PKDCC: variants seen among roughly 807,000 people sequenced by gnomAD.
PKDCC encodes the protein protein kinase domain containing, cytoplasmic.
Under a neutral mutation model 44.7 loss-of-function variants are expected in PKDCC, and 35 were observed. The observed-to-expected ratio is 0.78, with a 90% CI of 0.60 to 1.04. The LOEUF is 1.04. Among genes scored for constraint, PKDCC ranks in the 50% least tolerant of loss-of-function variants. The pLI is 0.00. For missense variants in PKDCC, 738 were observed against 672.7 expected, an observed-to-expected ratio of 1.10 and a Z score of -1.07; for synonymous variants, 353 against 303.3, an observed-to-expected ratio of 1.16 and a Z score of -1.70.
Position 42,054,970 on chromosome 2 carries a change from G to A in PKDCC, c.1064G>A (p.Ser355Asn). 6.2e-7 allele frequency: 1 copy of A among 1,614,076 alleles called. No individual in the cohort carries two copies. The highest frequency in any genetic ancestry group is 8.5e-7 in the Non-Finnish European group (1 of 1,179,984). Residue 355 changes from serine (S) to asparagine (N), a missense_variant, in exon 4 of 7, where the codon AGT becomes AAT. Physicochemically the swap from Ser to Asn is conservative, Grantham distance 46 (BLOSUM62 1). Coordinates refer to ENST00000294964, the MANE Select transcript of PKDCC (RefSeq NM_138370.3). This position sits in a 1 kb window ranked among gnomAD's most constrained non-coding sequence, Gnocchi z 6.1. ...RFFFTYLLPH[S>N]APPSLRPLLD... ...TTCTTCACATACCTCCTGCCTCACAGTGCCCCGCCTTCACTGCGTCCTCTG... is the reference window on the plus strand; with the variant it reads ...TTCTTCACATACCTCCTGCCTCACAATGCCCCGCCTTCACTGCGTCCTCTG...
Position 42,053,301 on chromosome 2 carries a change from G to T in PKDCC, c.702G>T (p.Glu234Asp), listed in dbSNP as rs1209116753. 1 of 1,613,748 alleles carries T rather than the reference G, an allele frequency of 6.2e-7. No homozygotes were observed. The highest frequency in any genetic ancestry group is 8.5e-7 in the Non-Finnish European group (1 of 1,179,864). Reference sequence around the variant, plus strand: ...CAGACACCCTGACCACCATCACGGAGCTGGGCGCCCCTGTAGAAATGATCC... The same window carrying T: ...CAGACACCCTGACCACCATCACGGATCTGGGCGCCCCTGTAGAAATGATCC... ...DIPDTLTTIT[E>D]LGAPVEMIQL... Residue 234 changes from glutamate (E) to aspartate (D), a missense_variant, in exon 2 of 7, where the codon GAG becomes GAT. By Grantham distance (45) the Glu-to-Asp change is conservative (BLOSUM62 2). Transcript: ENST00000294964.
intron 1 of PKDCC, among the ~76,000 whole-genome samples, chr2:42,049,095 C>A (rs1363940029): frequency 1.3e-5 from 2 of 152,090 alleles, no homozygotes; most frequent in African/African-American, 4.8e-5. Context: ...CAGAGGCTCC[C>A]AAAACTCAGG....
chr2:42,048,510 G>C lies in PKDCC; in HGVS notation c.311G>C (p.Trp104Ser). ...GPGLPRPRPP[W>S]ARPLSDGAPG... is the part of the protein sequence containing the mutation. ...GGCCTGCCGCGCCCCCGGCCCCCTTGGGCCCGGCCCCTGTCCGACGGCGCC... is the reference window on the plus strand; with the variant it reads ...GGCCTGCCGCGCCCCCGGCCCCCTTCGGCCCGGCCCCTGTCCGACGGCGCC... Residue 104 changes from tryptophan to serine, a missense_variant, in exon 1 of 7, where the codon TGG becomes TCG. By Grantham distance (177) the Trp-to-Ser change is radical (BLOSUM62 -3). Transcript: ENST00000294964. The surrounding 1 kb of genome is among the most constrained non-coding windows in gnomAD (Gnocchi z 6.2). 1 of 1,129,242 alleles carries C rather than the reference G, an allele frequency of 8.9e-7. No individual in the cohort carries two copies. The highest frequency in any genetic ancestry group is 1.1e-6 in the Non-Finnish European group (1 of 926,304). The allele number at this position is 1,129,242 out of a possible 1,614,324, so 70.0% of individuals were successfully genotyped here. A position where few individuals can be genotyped will look rare whatever the true frequency, so the allele number is the denominator to read the frequency against.
In PKDCC at chr2:42,058,193, T is replaced by TC. The variant is rs1668090277; in HGVS notation, c.*505_*506insC. Reference sequence around the variant, plus strand: ...ATGCTCCAGGATGTGGGTGATTCTGTACCTGGGGAGGCTATCTCTGACCTC... The same window carrying TC: ...ATGCTCCAGGATGTGGGTGATTCTGTCACCTGGGGAGGCTATCTCTGACCTC... On this transcript the variant is annotated 3_prime_UTR_variant, in exon 7 of 7. Transcript: ENST00000294964. The surrounding 1 kb of genome is among the most constrained non-coding windows in gnomAD (Gnocchi z 4.2). The TC allele has an allele frequency of 6.4e-6, 1 of 156,582 alleles. No homozygotes were observed. The highest frequency in any genetic ancestry group is 1.4e-5 in the Non-Finnish European group (1 of 70,714). 9.7% of individuals were successfully genotyped at this position (156,582 alleles called of 1,614,324 possible).
chr2:42,053,155 A>G, intron 1 of PKDCC, 84 bp from the exon 2 acceptor site: 4 of 1,415,150 alleles, frequency 2.8e-6, no homozygotes, highest in Non-Finnish European at 3.8e-6. Context: ...GTGGGAGGAG[A>G]GAGAGGGGGA....
rs1667992348 is a variant in PKDCC at position 42,052,888 on chromosome 2, A to G, written c.640-351A>G. On this transcript the variant is annotated intron_variant, in intron 1 of 6. Transcript: ENST00000294964. The surrounding 1 kb of genome is among the most constrained non-coding windows in gnomAD (Gnocchi z 4.3). ...CTCTCTGAGTCAGCCTCCTCACCTG[A>G]AGTTGGAGATAATAATAGCACCTAC... Among the ~76,000 whole-genome samples, 1 of 152,154 alleles carries G rather than the reference A, an allele frequency of 6.6e-6. No homozygotes were observed. The highest frequency in any genetic ancestry group is 2.1e-4 in the South Asian group (1 of 4,836).
Position 42,051,374 on chromosome 2 carries a change from T to G in PKDCC, c.640-1865T>G, listed in dbSNP as rs1451124342. 2.4e-5 allele frequency among the ~76,000 whole-genome samples: 2 copies of G among 83,294 alleles called. No individual in the cohort carries two copies. The highest frequency in any genetic ancestry group is 5.1e-5 in the Non-Finnish European group (2 of 39,092). The allele number at this position is 83,294 out of a possible 152,430, so 54.6% of individuals were successfully genotyped here. On this transcript the variant is annotated intron_variant, in intron 1 of 6. Coordinates refer to ENST00000294964, the MANE Select transcript of PKDCC (RefSeq NM_138370.3). This position sits in a 1 kb window ranked among gnomAD's most constrained non-coding sequence, Gnocchi z 4.2. The stretch of plus-strand genomic sequence containing the variant: ...CCAGTCATCCTGGGGCCCCCAGGCC[T>G]TGGATGGGCCCCCAGGCCTGCCTGG...
rs1667971252 is a variant in PKDCC at position 42,051,728 on chromosome 2, G to A, written c.640-1511G>A. ...GGGGTGGAGAGAGAAGAGGGTGCCT[G>A]GAGCTGCCCTGGCCCCCCAAGTCAC... On this transcript the variant is annotated intron_variant, in intron 1 of 6. Transcript: ENST00000294964. This position sits in a 1 kb window ranked among gnomAD's most constrained non-coding sequence, Gnocchi z 4.2. Among the ~76,000 whole-genome samples the A allele has an allele frequency of 6.6e-6, 1 of 152,070 alleles. No homozygotes were observed. Among genetic ancestry groups the A allele is most frequent in the Non-Finnish European group, 1.5e-5 (1 of 68,006 alleles).
At position 42,055,014 on chromosome 2, in the gene PKDCC, G is replaced by T; in HGVS notation, c.1108G>T (p.Ala370Ser). The T allele has an allele frequency of 6.2e-7, 1 of 1,613,650 alleles. No individual in the cohort carries two copies. Residue 370 changes from alanine (A) to serine (S), a missense_variant, in exon 4 of 7, where the codon GCC becomes TCC. By Grantham distance (99) the Ala-to-Ser change is moderately conservative. Coordinates refer to ENST00000294964, the MANE Select transcript of PKDCC (RefSeq NM_138370.3). The surrounding 1 kb of genome is among the most constrained non-coding windows in gnomAD (Gnocchi z 4.5). ...LRPLLDSIVNATGELAWGVDE... is the reference protein window; with the variant it reads ...LRPLLDSIVNSTGELAWGVDE... ...TCCTCTGCTGGACAGCATCGTCAAC[G>T]CCACAGGTGAGCTCTCCAGGGCCCA...
chr2:42,048,055 G>GGCCGGGGTCGGGGCC lies in PKDCC; in HGVS notation c.-137_-123dup, dbSNP rs1321357063. The GGCCGGGGTCGGGGCC allele has an allele frequency of 3.8e-5, 11 of 292,312 alleles. No homozygotes were observed. The highest frequency in any genetic ancestry group is 2.3e-4 in the African/African-American group (10 of 43,198). The allele number at this position is 292,312 out of a possible 1,614,324, so 18.1% of individuals were successfully genotyped here. ...TCAGGCCGATGTGTCGCCCGCGAGG[G>GGCCGGGGTCGGGGCC]GCCGGGGTCGGGGCCGCCGGGGCCA... On this transcript the variant is annotated 5_prime_UTR_variant, in exon 1 of 7. Coordinates refer to ENST00000294964, the MANE Select transcript of PKDCC (RefSeq NM_138370.3). This position sits in a 1 kb window ranked among gnomAD's most constrained non-coding sequence, Gnocchi z 6.2.
Position 42,048,915 on chromosome 2 carries a change from C to T in PKDCC, c.639+77C>T. ...CCTTGTCAACCTGGCTGGAAGAGAA[C>T]CCCTTGATCTGGAGTGCCAGTGACT... is the stretch of plus-strand genomic sequence containing the variant. On this transcript the variant is annotated intron_variant, in intron 1 of 6. Coordinates refer to ENST00000294964, the MANE Select transcript of PKDCC (RefSeq NM_138370.3). This position sits in a 1 kb window ranked among gnomAD's most constrained non-coding sequence, Gnocchi z 6.2. 1.5e-6 allele frequency: 2 copies of T among 1,356,048 alleles called. No individual in the cohort carries two copies. Among genetic ancestry groups the T allele is most frequent in the South Asian group, 1.9e-5 (1 of 51,390 alleles). The allele number at this position is 1,356,048 out of a possible 1,614,324, so 84.0% of individuals were successfully genotyped here.
In PKDCC at chr2:42,055,933, G is replaced by A. The variant is rs534276179; in HGVS notation, c.1222+540G>A. On this transcript the variant is annotated intron_variant, in intron 5 of 6. Transcript: ENST00000294964. This position sits in a 1 kb window ranked among gnomAD's most constrained non-coding sequence, Gnocchi z 4.5. ...GCCAAGAAGCCCCAGGGCAGGGGGA[G>A]AATTCTGGCCACTGGTTTCAGGCTG... is the stretch of plus-strand genomic sequence containing the variant. 6.6e-6 allele frequency among the ~76,000 whole-genome samples: 1 copy of A among 152,186 alleles called. No individual in the cohort carries two copies. The highest frequency in any genetic ancestry group is 1.5e-5 in the Non-Finnish European group (1 of 68,034).
rs986212220 is a variant in PKDCC at position 42,054,857 on chromosome 2, T to G, written c.1035-84T>G. 1.5e-6 allele frequency: 2 copies of G among 1,297,720 alleles called. No individual in the cohort carries two copies. The highest frequency in any genetic ancestry group is 3.4e-5 in the Admixed American group (2 of 59,384). The allele number at this position is 1,297,720 out of a possible 1,614,324, so 80.4% of individuals were successfully genotyped here. On this transcript the variant is annotated intron_variant, in intron 3 of 6. Transcript: ENST00000294964. The surrounding 1 kb of genome is among the most constrained non-coding windows in gnomAD (Gnocchi z 6.1). Reference sequence around the variant, plus strand: ...GAGGGATCCGGCTCCCTGGCCAGGTTAGCGTTCTGCCCCAGGTTGGAATAG... The same window carrying G: ...GAGGGATCCGGCTCCCTGGCCAGGTGAGCGTTCTGCCCCAGGTTGGAATAG...
In PKDCC at chr2:42,057,360, G is replaced by A. The variant is rs1668074695; in HGVS notation, c.1362G>A (p.Arg454=). ...TCTGTGAGAGCCATGCCCAGTGTCGGGCCTTTGTGGTCACCAACCAGACCA... is the reference window on the plus strand; with the variant it reads ...TCTGTGAGAGCCATGCCCAGTGTCGAGCCTTTGTGGTCACCAACCAGACCA... ...VDVCESHAQC[R]AFVVTNQTTW... Residue 454 remains arginine, a synonymous_variant, in exon 6 of 7, where the codon CGG becomes CGA. Coordinates refer to ENST00000294964, the MANE Select transcript of PKDCC (RefSeq NM_138370.3). The A allele has an allele frequency of 1.2e-6, 2 of 1,614,172 alleles. No individual in the cohort carries two copies. The highest frequency in any genetic ancestry group is 1.7e-6 in the Non-Finnish European group (2 of 1,180,038).
chr2:42,052,557 T>A lies in PKDCC; in HGVS notation c.640-682T>A, dbSNP rs1667986057. On this transcript the variant is annotated intron_variant, in intron 1 of 6. Transcript: ENST00000294964. This position sits in a 1 kb window ranked among gnomAD's most constrained non-coding sequence, Gnocchi z 4.3. Reference sequence around the variant, plus strand: ...TGAGGTCGGCAGTTTGAGACCAGCCTGGCCAACATGGTGAAACCCTGTTTC... The same window carrying A: ...TGAGGTCGGCAGTTTGAGACCAGCCAGGCCAACATGGTGAAACCCTGTTTC... 6.6e-6 allele frequency among the ~76,000 whole-genome samples: 1 copy of A among 152,100 alleles called. No individual in the cohort carries two copies.
rs1205742992 is a variant in PKDCC at position 42,048,203 on chromosome 2, C to A, written c.4C>A (p.Arg2=). Residue 2 remains arginine (R), a synonymous_variant, in exon 1 of 7, where the codon CGG becomes AGG. Transcript: ENST00000294964. This position sits in a 1 kb window ranked among gnomAD's most constrained non-coding sequence, Gnocchi z 6.2. ...GCCGGCCGGGGGGAGGGGAGCGATG[C>A]GGCGCCGGCGGGCGGCAGTGGCCGC... M[R]RRRAAVAAGF... 8.5e-7 allele frequency: 1 copy of A among 1,172,712 alleles called. No homozygotes were observed. Among genetic ancestry groups the A allele is most frequent in the Non-Finnish European group, 1.1e-6 (1 of 944,940 alleles). 72.6% of individuals were successfully genotyped at this position (1,172,712 alleles called of 1,614,324 possible).
rs192554406 is a variant in PKDCC at position 42,049,031 on chromosome 2, C to T, written c.639+193C>T. Among the ~76,000 whole-genome samples, 45 of 152,202 alleles carry T rather than the reference C, an allele frequency of 3.0e-4. No homozygotes were observed. The East Asian group carries it at 8.3e-3, about 28-fold the overall frequency. ...CACTCCTGGGTGGGCGTCCCTTTAC[C>T]GGAGAACTCCTGGGTTTCTCGGCTT... is the stretch of plus-strand genomic sequence containing the variant. On this transcript the variant is annotated intron_variant, in intron 1 of 6. Transcript: ENST00000294964.
Position 42,057,291 on chromosome 2 carries a change from G to A in PKDCC, c.1293G>A (p.Gly431=). 1 of 1,614,208 alleles carries A rather than the reference G, an allele frequency of 6.2e-7. No individual in the cohort carries two copies. The highest frequency in any genetic ancestry group is 2.2e-5 in the East Asian group (1 of 44,884). The change falls in exon 6 of 7, where the codon GGG becomes GGA. Residue 431 remains glycine, a synonymous_variant. Coordinates refer to ENST00000294964, the MANE Select transcript of PKDCC (RefSeq NM_138370.3). The part of the protein sequence containing the change: ...DYRCWPSYHH[G]SCLLSVFNLA... ...GCTGCTGGCCATCCTACCACCACGG[G>A]AGCTGCCTCCTTTCAGTGTTCAACC...
At chr2:42,057,551 C>G in intron 6 of PKDCC, 52 bp from the exon 7 acceptor site, 1 of 1,588,918 alleles carries the variant, frequency 6.3e-7, no homozygotes, top group Non-Finnish European at 8.6e-7. Context: ...AATGGTCTTG[C>G]CTCCAGAAAG....
Sources: allele counts gnomAD v4.1 joint callset (sites outside exome capture counted in the v4.1 genomes callset), GRCh38; gene constraint gnomAD v4.1.1; non-coding constraint Gnocchi (gnomAD v3.1); transcripts MANE v1.5; gene names NCBI Gene and HGNC (gene_info 2026-07-23, HGNC 2026-07-21).